Variants in FSTL5 observed in about 807,000 individuals in gnomAD.
The protein encoded by FSTL5 is follistatin like 5.
A neutral mutation model predicts 89.1 loss-of-function variants in FSTL5; 62 were observed. The ratio of observed to expected loss-of-function variants is 0.70; its 90% CI spans 0.57 to 0.86. FSTL5 has a LOEUF of 0.86. FSTL5 is among the 40% of genes least tolerant of loss of function. FSTL5 has a pLI of 0.00. For synonymous variants in FSTL5, 383 were observed against 346.2 expected, an observed-to-expected ratio of 1.11 and a Z score of -1.18; for missense variants, 1,057 against 1,001.6, an observed-to-expected ratio of 1.06 and a Z score of -0.75.
At chr4:162,005,625 G>A (rs534599242) in intron 3 of FSTL5, among the ~76,000 whole-genome samples, 1 of 152,196 alleles carries the variant, frequency 6.6e-6, no homozygotes, top group East Asian at 1.9e-4. Context: ...ATTAGGGGAA[G>A]AGAATACTGC....
At chr4:161,966,645 A>C (rs776845308) in intron 3 of FSTL5, among the ~76,000 whole-genome samples, 9 of 152,080 alleles carry the variant, frequency 5.9e-5, no homozygotes, top group Non-Finnish European at 4.4e-5. Context: ...ACACAGAGAA[A>C]ACATGGCCAT....
At chr4:161,992,945 T>TACAA (rs1324578087) in intron 3 of FSTL5, among the ~76,000 whole-genome samples, 1 of 6,014 alleles carries the variant, frequency 1.7e-4, no homozygotes. Flanking sequence ...TATATATGTG[T>TACAA]GTATATCTAT....
chr4:162,030,542 G>C (rs538730983), intron 3 of FSTL5, among the ~76,000 whole-genome samples: 36 of 152,060 alleles, frequency 2.4e-4, no homozygotes, highest in Admixed American at 7.9e-4. Context: ...GAAAAAACAG[G>C]AGGAGAAAAT....
chr4:161,910,955 C>A (rs1733673725), intron 4 of FSTL5, among the ~76,000 whole-genome samples: 1 of 152,020 alleles, frequency 6.6e-6, no homozygotes, highest in South Asian at 2.1e-4. Context: ...GATCTGTCAC[C>A]TGATAGCAAC....
chr4:161,995,132 G>C (rs1177407050), intron 3 of FSTL5, among the ~76,000 whole-genome samples: 1 of 151,914 alleles, frequency 6.6e-6, no homozygotes, highest in Non-Finnish European at 1.5e-5. Flanking sequence ...ATTAATAGAG[G>C]TGTACTCTGA....
intron 4 of FSTL5, among the ~76,000 whole-genome samples, chr4:161,777,807 A>G (rs1741468308): frequency 6.6e-6 from 1 of 152,148 alleles, no homozygotes; most frequent in South Asian, 2.1e-4. Context: ...TCAGAAGTAA[A>G]TAACGGCCAG....
chr4:161,587,496 C>T lies in FSTL5; in HGVS notation c.974G>A (p.Gly325Asp). The change falls in exon 8 of 16, where the codon GGC becomes GAC. Residue 325 changes from glycine to aspartate, a missense_variant. Coordinates refer to ENST00000306100, the MANE Select transcript of FSTL5 (RefSeq NM_020116.5). ...GTGAGTCTGATAGACTTGTTCATAGCCATCTGCATAGCAGGTGTAATTGCC... is the reference window on the plus strand; with the variant it reads ...GTGAGTCTGATAGACTTGTTCATAGTCATCTGCATAGCAGGTGTAATTGCC... ...HVGNYTCYADGYEQVYQTHIF... is the reference protein window; with the variant it reads ...HVGNYTCYADDYEQVYQTHIF... 1.2e-6 allele frequency: 2 copies of T among 1,612,802 alleles called. No homozygotes were observed. The highest frequency in any genetic ancestry group is 1.7e-6 in the Non-Finnish European group (2 of 1,179,068).
chr4:161,385,848 T>C lies in FSTL5; in HGVS notation c.2443A>G (p.Lys815Glu), dbSNP rs17040982. 61,436 of 1,613,798 alleles carry C rather than the reference T, an allele frequency of 0.038. 3,236 individuals are homozygous for C. Among genetic ancestry groups the C allele is most frequent in the East Asian group, 0.17 (7,409 of 44,854 alleles). Residue 815 changes from lysine (K) to glutamate (E), a missense_variant, in exon 16 of 16, where the codon AAG becomes GAG. Lys to Glu is a moderately conservative substitution (Grantham distance 56, BLOSUM62 1). Around this residue, in one of 3 missense-constraint regions of FSTL5, gnomAD observed 68 missense variants for 73.3 expected, o/e 0.93. Transcript: ENST00000306100. ...CCATCTAGGATGAAGAGAGAGTCCT[T>C]GGAAGGTGTCATCAGGTATTGACCA... ...LFGQYLMTPS[K>E]DSLFILDGRL...
chr4:161,523,500 T>C (rs1731104010), intron 10 of FSTL5, among the ~76,000 whole-genome samples: 2 of 152,240 alleles, frequency 1.3e-5, no homozygotes, highest in Non-Finnish European at 2.9e-5. Flanking sequence ...TTTATTTTGA[T>C]ATAATTATAT....
chr4:161,748,738 T>C (rs1740290096), intron 6 of FSTL5, among the ~76,000 whole-genome samples: 1 of 150,990 alleles, frequency 6.6e-6, no homozygotes, highest in Non-Finnish European at 1.5e-5. Flanking sequence ...ATTTTAAAAA[T>C]TAGAAAAGCT....
intron 12 of FSTL5, among the ~76,000 whole-genome samples, chr4:161,488,984 C>T (rs548073385): frequency 4.1e-4 from 62 of 151,810 alleles, no homozygotes; most frequent in Admixed American, 7.9e-4. Context: ...ACCTGAAAAT[C>T]GAGAGGATTA....
intron 2 of FSTL5, among the ~76,000 whole-genome samples, chr4:162,072,736 G>A (rs2111313420): frequency 6.6e-6 from 1 of 151,862 alleles, no homozygotes; most frequent in East Asian, 1.9e-4. Context: ...TGGGTCACAT[G>A]GTGCCAAAAT....
At chr4:161,591,377 T>C (rs376317067) in intron 7 of FSTL5, among the ~76,000 whole-genome samples, 1 of 152,274 alleles carries the variant, frequency 6.6e-6, no homozygotes, top group East Asian at 1.9e-4. Flanking sequence ...TATTCTAAAC[T>C]TCGACAGCCA....
intron 3 of FSTL5, among the ~76,000 whole-genome samples, chr4:161,924,990 T>C (rs1235603186): frequency 6.6e-6 from 1 of 151,820 alleles, no homozygotes; most frequent in Non-Finnish European, 1.5e-5. Context: ...AGAATTTGAG[T>C]CTTTGCTTTT....
chr4:161,762,088 T>A (rs1394621501), intron 5 of FSTL5, among the ~76,000 whole-genome samples: 1 of 152,206 alleles, frequency 6.6e-6, no homozygotes, highest in Non-Finnish European at 1.5e-5. Context: ...TAGAATGTTT[T>A]ATGTGTTTAC....
At chr4:161,606,603 CT>C (rs1412014222) in intron 7 of FSTL5, among the ~76,000 whole-genome samples, 12 of 152,214 alleles carry the variant, frequency 7.9e-5, no homozygotes, top group African/African-American at 2.9e-4. Flanking sequence ...GCTGAGATTT[CT>C]TTCTCAGTTG....
At chr4:161,431,075 G>A (rs1578968098) in intron 15 of FSTL5, among the ~76,000 whole-genome samples, 2 of 152,116 alleles carry the variant, frequency 1.3e-5, no homozygotes, top group East Asian at 3.9e-4. Context: ...TATCTGATCT[G>A]AAATGAAAGG....
intron 14 of FSTL5, among the ~76,000 whole-genome samples, chr4:161,458,888 CTT>C (rs559262363): frequency 3.3e-5 from 5 of 152,202 alleles, no homozygotes; most frequent in Non-Finnish European, 7.4e-5. Context: ...GTCGAATTCT[CTT>C]TGTCTCTATT....
intron 15 of FSTL5, among the ~76,000 whole-genome samples, chr4:161,424,577 C>G (rs1252400998): frequency 1.3e-5 from 2 of 151,422 alleles, no homozygotes; most frequent in Non-Finnish European, 1.5e-5. Flanking sequence ...TCATCTATCT[C>G]TTTTTATATT....
Sources: gnomAD v4.1 joint callset for allele counts (sites outside exome capture counted in the v4.1 genomes callset) on GRCh38, gnomAD v4.1.1 for gene constraint, gnomAD v4.1.1 regional missense constraint, MANE v1.5 for transcripts, NCBI Gene and HGNC (gene_info 2026-07-23, HGNC 2026-07-21) for gene names.